The following SEPTIN14 variants were observed in gnomAD, a reference collection of about 807,000 sequenced individuals.
The protein encoded by SEPTIN14 is septin-14.
SEPTIN14 carries 40 observed loss-of-function variants against 53.6 expected under a neutral mutation model. That is an observed-to-expected ratio of 0.75 (90% CI 0.58 to 0.97). SEPTIN14 has a LOEUF of 0.97. Ranked by LOEUF, SEPTIN14 falls within the 50% of genes least tolerant of loss-of-function variation. The probability of loss-of-function intolerance (pLI) is 0.00; values close to 1 mark genes in which losing one functional copy is unlikely to be tolerated. For missense variants in SEPTIN14, 471 were observed against 508.2 expected, an observed-to-expected ratio of 0.93 and a Z score of 0.70; for synonymous variants, 138 against 166.8, an observed-to-expected ratio of 0.83 and a Z score of 1.33.
At chr7:55,805,187 G>T in intron 9 of SEPTIN14, 71 bp downstream of exon 9, 2 of 1,384,650 alleles carry the variant, frequency 1.4e-6, no homozygotes, top group South Asian at 2.5e-5. Context: ...GTAAACTCTT[G>T]AGATTAAAAC....
chr7:55,823,390 G>A (rs1788929944), intron 6 of SEPTIN14, among the ~76,000 whole-genome samples: 1 of 152,164 alleles, frequency 6.6e-6, no homozygotes, highest in Admixed American at 6.5e-5. Context: ...CCTCTCCACT[G>A]AGAGCTGTTC....
At chr7:55,811,851 T>G (rs1466287582) in intron 7 of SEPTIN14, among the ~76,000 whole-genome samples, 2 of 150,820 alleles carry the variant, frequency 1.3e-5, no homozygotes, top group Non-Finnish European at 3.0e-5. Flanking sequence ...TGGAGTGCAG[T>G]GGTGCAATCT....
rs534831917 is a variant in SEPTIN14 at position 55,857,831 on chromosome 7, C to G, written c.54+4112G>C. ...CTCGATCTCCTGACCTCGTGATCCG[C>G]CCGCCTCGGCCTCCCAAAGTGCTGG... On this transcript the variant is annotated intron_variant, in intron 2 of 9. Transcript: ENST00000388975. Among the ~76,000 whole-genome samples, 594 of 151,190 alleles carry G rather than the reference C, an allele frequency of 3.9e-3. 6 individuals carry two copies. Among genetic ancestry groups the G allele is most frequent in the African/African-American group, 0.014 (555 of 40,642 alleles).
rs1475375139 is a variant in SEPTIN14, at chr7:55,844,571, G to A, written c.323C>T (p.Thr108Ile). 6.2e-7 allele frequency: 1 copy of A among 1,605,332 alleles called. No individual in the cohort carries two copies. The highest frequency in any genetic ancestry group is 8.5e-7 in the Non-Finnish European group (1 of 1,174,188). ...ACCATACCCTACTGTCTCCACAACAGTCAATTTCAACTGAACATTGCTTTC... is the reference window on the plus strand; with the variant it reads ...ACCATACCCTACTGTCTCCACAACAATCAATTTCAACTGAACATTGCTTTC... ...LQESNVQLKL[T>I]VVETVGYGDQ... Residue 108 changes from threonine to isoleucine, a missense_variant, in exon 4 of 10, where the codon ACT becomes ATT. Coordinates refer to ENST00000388975, the MANE Select transcript of SEPTIN14 (RefSeq NM_207366.3).
rs1034552678 is a variant in SEPTIN14 at position 55,795,462 on chromosome 7, C to CTT, written c.*449_*450dup. ...AGGATCTGCCTTCTGGGAGTTCATACTTTTTTTTTTTTTTTTTTTTTTGAG... is the reference window on the plus strand; with the variant it reads ...AGGATCTGCCTTCTGGGAGTTCATACTTTTTTTTTTTTTTTTTTTTTTTTGAG... On this transcript the variant is annotated 3_prime_UTR_variant, in exon 10 of 10. Transcript: ENST00000388975. The CTT allele has an allele frequency of 4.0e-4, 47 of 117,934 alleles. 1 individual carries two copies. Among genetic ancestry groups the CTT allele is most frequent in the Non-Finnish European group, 5.3e-4 (31 of 58,930 alleles). The allele number at this position is 117,934 out of a possible 1,614,324, so 7.3% of individuals were successfully genotyped here. A position where few individuals can be genotyped will look rare whatever the true frequency, so the allele number is the denominator to read the frequency against.
At chr7:55,847,200 T>C (rs1789430149) in intron 2 of SEPTIN14, among the ~76,000 whole-genome samples, 1 of 151,916 alleles carries the variant, frequency 6.6e-6, no homozygotes, top group South Asian at 2.1e-4. Context: ...AGAGTGAAAC[T>C]CTGTCTCAAA....
At chr7:55,840,306 T>C (rs1789286736) in intron 5 of SEPTIN14, among the ~76,000 whole-genome samples, 1 of 151,024 alleles carries the variant, frequency 6.6e-6, no homozygotes, top group Non-Finnish European at 1.5e-5. Context: ...CTGGCCAACA[T>C]GGTGAAACTC....
chr7:55,804,134 TAA>T (rs35467838), intron 9 of SEPTIN14, among the ~76,000 whole-genome samples: 20 of 47,058 alleles, frequency 4.3e-4, no homozygotes, highest in African/African-American at 1.4e-3. Context: ...AGACTCTGTC[TAA>T]AAAAAAAAAA....
At chr7:55,816,263 A>G (rs1478487496) in intron 7 of SEPTIN14, among the ~76,000 whole-genome samples, 1 of 152,210 alleles carries the variant, frequency 6.6e-6, no homozygotes, top group African/African-American at 2.4e-5. Context: ...GTTACATAGA[A>G]TGAATAAGAT....
rs192485423 is a variant in SEPTIN14, at chr7:55,804,383, C to A, written c.1119+875G>T. On this transcript the variant is annotated intron_variant, in intron 9 of 9. Coordinates refer to ENST00000388975, the MANE Select transcript of SEPTIN14 (RefSeq NM_207366.3). ...AAGCGATTCTCCTACCTCAGCCTCCCGAGTAGCTGGAATTATAGGCATGCA... is the reference window on the plus strand; with the variant it reads ...AAGCGATTCTCCTACCTCAGCCTCCAGAGTAGCTGGAATTATAGGCATGCA... Among the ~76,000 whole-genome samples the A allele has an allele frequency of 1.4e-3, 211 of 151,502 alleles. 1 individual carries two copies. The highest frequency in any genetic ancestry group is 4.8e-3 in the African/African-American group (197 of 41,352).
intron 7 of SEPTIN14, chr7:55,811,491 CA>C (rs1272181681): frequency 1.1e-5 from 3 of 280,754 alleles, no homozygotes; most frequent in African/African-American, 2.4e-5. Flanking sequence ...TCAAGTTTTA[CA>C]GTTCTTTTTT....
intron 7 of SEPTIN14, among the ~76,000 whole-genome samples, chr7:55,814,924 G>A (rs1788766792): frequency 6.6e-6 from 1 of 152,120 alleles, no homozygotes; most frequent in Non-Finnish European, 1.5e-5. Context: ...GAAACAGCAT[G>A]GTACCGGCAT....
chr7:55,835,311 T>G (rs1789186484), intron 5 of SEPTIN14, among the ~76,000 whole-genome samples: 2 of 151,986 alleles, frequency 1.3e-5, no homozygotes, highest in African/African-American at 4.8e-5. Context: ...CATGCCATTC[T>G]CCTGCCTCAG....
chr7:55,797,048 A>T (rs2115942498), intron 9 of SEPTIN14, among the ~76,000 whole-genome samples: 1 of 152,170 alleles, frequency 6.6e-6, no homozygotes, highest in South Asian at 2.1e-4. Context: ...ACTTGAACCC[A>T]GGAGGCGGAG....
chr7:55,846,378 A>T, intron 3 of SEPTIN14, 139 bp downstream of exon 3: 1 of 630,266 alleles, frequency 1.6e-6, no homozygotes, highest in Non-Finnish European at 2.6e-6. Flanking sequence ...AGGATTACAT[A>T]ATATGGCTAA....
intron 6 of SEPTIN14, among the ~76,000 whole-genome samples, chr7:55,832,159 C>A (rs1483498088): frequency 6.6e-6 from 1 of 151,504 alleles, no homozygotes; most frequent in Non-Finnish European, 1.5e-5. Context: ...TGAGATCATA[C>A]CACTGAACTC....
intron 6 of SEPTIN14, among the ~76,000 whole-genome samples, chr7:55,833,805 AAG>A (rs1267798682): frequency 2.0e-5 from 3 of 152,164 alleles, no homozygotes; most frequent in African/African-American, 7.2e-5. Flanking sequence ...TAAGAACAAA[AAG>A]AGAGAATATG....
chr7:55,802,739 G>T (rs1008211497), intron 9 of SEPTIN14, among the ~76,000 whole-genome samples: 1 of 151,130 alleles, frequency 6.6e-6, no homozygotes, highest in African/African-American at 2.4e-5. Context: ...AGGCAAAAAT[G>T]GACAAATAAA....
intron 9 of SEPTIN14, among the ~76,000 whole-genome samples, chr7:55,800,010 A>G (rs1449416245): frequency 6.6e-6 from 1 of 152,226 alleles, no homozygotes; most frequent in African/African-American, 2.4e-5. Flanking sequence ...AACAAATTTT[A>G]AAAGTTTGAA....
Sources: allele counts gnomAD v4.1 joint callset (sites outside exome capture counted in the v4.1 genomes callset), GRCh38; gene constraint gnomAD v4.1.1; transcripts MANE v1.5; gene names NCBI Gene and HGNC (gene_info 2026-07-23, HGNC 2026-07-21).